The following SEC11A variants were observed in gnomAD, a reference collection of about 807,000 sequenced individuals.
SEC11A encodes the protein SEC11 homolog A, signal peptidase complex subunit.
SEC11A carries 14 observed loss-of-function variants against 25.6 expected under a neutral mutation model. The ratio of observed to expected loss-of-function variants is 0.55; its 90% CI spans 0.36 to 0.85. The LOEUF (loss-of-function observed/expected upper bound fraction) is 0.85. Among genes scored for constraint, SEC11A ranks in the 40% least tolerant of loss-of-function variants. The pLI, the probability that SEC11A is intolerant of heterozygous loss-of-function variation, is 0.01. For synonymous variants in SEC11A, 83 were observed against 76.4 expected, an observed-to-expected ratio of 1.09 and a Z score of -0.45; for missense variants, 153 against 222.9, an observed-to-expected ratio of 0.69 and a Z score of 2.00.
At chr15:84,683,943 T>C (rs1008543945) in intron 3 of SEC11A, among the ~76,000 whole-genome samples, 1 of 152,196 alleles carries the variant, frequency 6.6e-6, no homozygotes. Context: ...ATATTTAATA[T>C]TATCTACTTC....
chr15:84,673,519 C>T (rs1897056171), intron 4 of SEC11A: 1 of 158,050 alleles, frequency 6.3e-6, no homozygotes, highest in African/African-American at 2.4e-5. Context: ...TCACTGAGAC[C>T]TGTCTCTCTT....
intron 3 of SEC11A, among the ~76,000 whole-genome samples, chr15:84,684,717 A>G (rs1194890183): frequency 6.6e-6 from 1 of 152,156 alleles, no homozygotes; most frequent in Admixed American, 6.6e-5. Flanking sequence ...GAATCATTTG[A>G]GGTCCGGAGT....
intron 1 of SEC11A, among the ~76,000 whole-genome samples, chr15:84,712,544 T>C (rs1271865180): frequency 1.3e-5 from 2 of 151,288 alleles, no homozygotes; most frequent in African/African-American, 4.9e-5. Context: ...GCCTCCCAGG[T>C]TGAAGCAATT....
At chr15:84,680,886 C>A (rs927932925) in intron 3 of SEC11A, 54 bp from the exon 4 acceptor site, 1 of 1,511,890 alleles carries the variant, frequency 6.6e-7, no homozygotes. Flanking sequence ...GCATTTAAAG[C>A]ACAAAATCTG....
At chr15:84,704,364 C>T (rs1898034800) in intron 1 of SEC11A, among the ~76,000 whole-genome samples, 1 of 152,184 alleles carries the variant, frequency 6.6e-6, no homozygotes, top group African/African-American at 2.4e-5. Context: ...TGTCCCTCAT[C>T]ACCTTGAAGT....
At chr15:84,676,802 A>G (rs1433126287) in intron 4 of SEC11A, among the ~76,000 whole-genome samples, 1 of 151,058 alleles carries the variant, frequency 6.6e-6, no homozygotes, top group African/African-American at 2.4e-5. Flanking sequence ...AAAAAAAAGC[A>G]TAAAGGAAGC....
At chr15:84,683,518 T>G (rs1897332467) in intron 3 of SEC11A, among the ~76,000 whole-genome samples, 1 of 152,164 alleles carries the variant, frequency 6.6e-6, no homozygotes, top group South Asian at 2.1e-4. Context: ...ATCTACTTAG[T>G]GAAACAAATA....
At chr15:84,686,625 A>T (rs1048371567) in intron 3 of SEC11A, 3 of 152,140 alleles carry the variant, frequency 2.0e-5, no homozygotes, top group African/African-American at 7.2e-5. Context: ...CAAACAAAAA[A>T]AGAACCGAAA....
chr15:84,689,043 A>AAAGAAG (rs1212932174), intron 2 of SEC11A, among the ~76,000 whole-genome samples: 17 of 150,568 alleles, frequency 1.1e-4, no homozygotes, highest in Admixed American at 9.9e-4. Flanking sequence ...AAAAAAAAAA[A>AAAGAAG]AAGAAGAAGA....
At chr15:84,701,684 A>C (rs1443720802) in intron 1 of SEC11A, among the ~76,000 whole-genome samples, 1 of 152,216 alleles carries the variant, frequency 6.6e-6, no homozygotes, top group Admixed American at 6.5e-5. Flanking sequence ...TTGTGAAAGA[A>C]AAAAAGAGAA....
chr15:84,705,707 T>G (rs1898073618), intron 1 of SEC11A, among the ~76,000 whole-genome samples: 1 of 151,310 alleles, frequency 6.6e-6, no homozygotes, highest in South Asian at 2.1e-4. Context: ...ATACAAAAAT[T>G]AGCCAGGCGT....
intron 1 of SEC11A, among the ~76,000 whole-genome samples, chr15:84,695,198 C>T (rs1003589583): frequency 4.0e-5 from 6 of 150,210 alleles, no homozygotes; most frequent in African/African-American, 1.5e-4. Flanking sequence ...CTCGGTGGCT[C>T]ACGCATGTAA....
intron 3 of SEC11A, among the ~76,000 whole-genome samples, chr15:84,683,440 A>T (rs1473010549): frequency 6.6e-6 from 1 of 152,140 alleles, no homozygotes; most frequent in Non-Finnish European, 1.5e-5. Flanking sequence ...AACACACCCA[A>T]TTTCCCCTTC....
chr15:84,690,069 A>C (rs913974997), intron 2 of SEC11A, among the ~76,000 whole-genome samples: 1 of 152,120 alleles, frequency 6.6e-6, no homozygotes, highest in Non-Finnish European at 1.5e-5. Context: ...GGAGTTCAAG[A>C]CCAGACTGGG....
chr15:84,715,076 A>G (rs962663576), intron 1 of SEC11A, among the ~76,000 whole-genome samples: 2 of 152,170 alleles, frequency 1.3e-5, no homozygotes, highest in African/African-American at 2.4e-5. Context: ...TGAGCTAGCT[A>G]AGGCCTGAAG....
At chr15:84,704,479 A>C (rs991464272) in intron 1 of SEC11A, among the ~76,000 whole-genome samples, 5 of 152,164 alleles carry the variant, frequency 3.3e-5, no homozygotes, top group Admixed American at 1.3e-4. Flanking sequence ...TCCTATAAAC[A>C]CAAATCCTCC....
chr15:84,670,153 G>T, intron 5 of SEC11A, 84 bp from the exon 6 acceptor site: 1 of 1,332,848 alleles, frequency 7.5e-7, no homozygotes, highest in Non-Finnish European at 1.0e-6. Context: ...ATTGGTCTTT[G>T]TGAATATATC....
intron 3 of SEC11A, chr15:84,686,967 G>A (rs894017112): frequency 3.3e-5 from 5 of 152,374 alleles, no homozygotes. Context: ...CCACCTCCCA[G>A]GTTCATGCAA....
chr15:84,676,571 C>T (rs1897140005), intron 4 of SEC11A, among the ~76,000 whole-genome samples: 1 of 148,150 alleles, frequency 6.7e-6, no homozygotes, highest in Admixed American at 6.8e-5. Context: ...GTCAGGAGTT[C>T]GAGACCGCCT....
Sources: allele counts gnomAD v4.1 joint callset (sites outside exome capture counted in the v4.1 genomes callset), GRCh38; gene constraint gnomAD v4.1.1; transcripts MANE v1.5; gene names NCBI Gene and HGNC (gene_info 2026-07-23, HGNC 2026-07-21).